Variants in PMFBP1 observed in about 807,000 individuals in gnomAD.
The protein encoded by PMFBP1 is polyamine-modulated factor 1-binding protein 1.
Under a neutral mutation model 137.8 loss-of-function variants are expected in PMFBP1, and 131 were observed. The observed-to-expected ratio is 0.95, with a 90% CI of 0.82 to 1.10. PMFBP1 has a LOEUF of 1.10. Ranked by LOEUF, PMFBP1 falls within the 50% of genes least tolerant of loss-of-function variation. The pLI, the probability that PMFBP1 is intolerant of heterozygous loss-of-function variation, is 0.00. For missense variants in PMFBP1, 1,199 were observed against 1,175.4 expected, an observed-to-expected ratio of 1.02 and a Z score of -0.29; for synonymous variants, 490 against 450.4, an observed-to-expected ratio of 1.09 and a Z score of -1.11.
chr16:72,217,055 T>G, the PMFBP1 span, among the ~76,000 whole-genome samples: 3 of 152,160 alleles, frequency 2.0e-5, no homozygotes, highest in African/African-American at 7.2e-5. Flanking sequence ...CAGAGATGAG[T>G]GTGTCCTATA....
At chr16:72,211,655 A>G in the PMFBP1 span, among the ~76,000 whole-genome samples, 1 of 152,234 alleles carries the variant, frequency 6.6e-6, no homozygotes, top group East Asian at 1.9e-4. Context: ...GATGTTATGC[A>G]AAGAGAACAA....
At chr16:72,161,040 T>G (rs1362924364) in intron 3 of PMFBP1, among the ~76,000 whole-genome samples, 2 of 152,108 alleles carry the variant, frequency 1.3e-5, no homozygotes, top group African/African-American at 2.4e-5. Context: ...GTAAGTGAGA[T>G]ATTTCCTTTG....
the PMFBP1 span, among the ~76,000 whole-genome samples, chr16:72,195,976 A>C: frequency 7.2e-6 from 1 of 137,934 alleles, no homozygotes; most frequent in Admixed American, 7.6e-5. Context: ...CTCAGAGCTT[A>C]CAGAATGTGT....
chr16:72,144,185 A>C (rs2042767467), intron 5 of PMFBP1, among the ~76,000 whole-genome samples: 1 of 152,254 alleles, frequency 6.6e-6, no homozygotes, highest in South Asian at 2.1e-4. Flanking sequence ...AGGACACACA[A>C]GAAAACTTGC....
chr16:72,179,464 G>T (rs762111301), upstream of PMFBP1, among the ~76,000 whole-genome samples: 49 of 152,134 alleles, frequency 3.2e-4, no homozygotes, highest in Admixed American at 1.0e-3. Flanking sequence ...TTGACTCCCA[G>T]GAGAGAAGAA....
chr16:72,233,308 G>A, the PMFBP1 span, among the ~76,000 whole-genome samples: 1 of 152,090 alleles, frequency 6.6e-6, no homozygotes, highest in South Asian at 2.1e-4. Flanking sequence ...TTCTGAGTGA[G>A]TACTGAGGGA....
At chr16:72,195,964 C>T in the PMFBP1 span, among the ~76,000 whole-genome samples, 1 of 151,824 alleles carries the variant, frequency 6.6e-6, no homozygotes, top group African/African-American at 2.4e-5. Context: ...CTCTCTCTCT[C>T]TCTCAGAGCT....
chr16:72,249,776 C>T, the PMFBP1 span, among the ~76,000 whole-genome samples: 1 of 151,240 alleles, frequency 6.6e-6, no homozygotes, highest in Non-Finnish European at 1.5e-5. Flanking sequence ...AAAAAAATAC[C>T]TGGGCGTGGT....
the PMFBP1 span, among the ~76,000 whole-genome samples, chr16:72,225,904 C>T: frequency 1.1e-4 from 17 of 148,368 alleles, no homozygotes; most frequent in African/African-American, 4.0e-4. Flanking sequence ...TGTGCATGTA[C>T]ATCCACACAC....
At chr16:72,177,541 C>A (rs1348249657), upstream of PMFBP1, among the ~76,000 whole-genome samples, 1 of 152,158 alleles carries the variant, frequency 6.6e-6, no homozygotes, top group Non-Finnish European at 1.5e-5. Context: ...TTTTAGATTT[C>A]CAGAAAAGTT....
chr16:72,163,005 C>A (rs1278909862), intron 3 of PMFBP1, among the ~76,000 whole-genome samples: 4 of 152,176 alleles, frequency 2.6e-5, no homozygotes, highest in Admixed American at 1.3e-4. Flanking sequence ...ATTTCTAGGA[C>A]ATTGCAGAGG....
At chr16:72,206,724 G>T in the PMFBP1 span, among the ~76,000 whole-genome samples, 1 of 152,100 alleles carries the variant, frequency 6.6e-6, no homozygotes, top group African/African-American at 2.4e-5. Flanking sequence ...GCTTCCCGGC[G>T]CACTGCTTTT....
the PMFBP1 span, among the ~76,000 whole-genome samples, chr16:72,224,209 C>A: frequency 2.6e-5 from 4 of 152,088 alleles, no homozygotes; most frequent in African/African-American, 9.7e-5. Flanking sequence ...TCTGTGAATT[C>A]TTCATCCTCC....
chr16:72,205,409 T>A, the PMFBP1 span, among the ~76,000 whole-genome samples: 1 of 152,150 alleles, frequency 6.6e-6, no homozygotes, highest in Non-Finnish European at 1.5e-5. Flanking sequence ...ATGAGGACAT[T>A]TGTCCCGCTC....
At chr16:72,133,680 G>C (rs910822033) in intron 9 of PMFBP1, among the ~76,000 whole-genome samples, 1 of 152,116 alleles carries the variant, frequency 6.6e-6, no homozygotes, top group Admixed American at 6.5e-5. Flanking sequence ...CATACACCAG[G>C]GTTGTCGGGC....
At chr16:72,224,967 T>C in the PMFBP1 span, 1 of 152,234 alleles carries the variant, frequency 6.6e-6, no homozygotes, top group South Asian at 2.1e-4. Context: ...AAAATTTATG[T>C]GTTTTGACAC....
Position 72,154,343 on chromosome 16 carries a change from T to C in PMFBP1, c.282A>G (p.Gln94=), listed in dbSNP as rs1171615338. ...QQLKKKLLVL[Q]QELEFHTEEL... is the part of the protein sequence containing the mutation. ...CCTCTGTGTGAAACTCCAGTTCTTG[T>C]TGAAGGACCAGCAATTTTTTCTTCA... is the stretch of plus-strand genomic sequence containing the variant. Residue 94 remains glutamine, a synonymous_variant, in exon 4 of 21, where the codon CAA becomes CAG. Coordinates refer to ENST00000237353, the MANE Select transcript of PMFBP1 (RefSeq NM_031293.3). The C allele has an allele frequency of 8.7e-6, 14 of 1,614,186 alleles. No individual in the cohort carries two copies. Among genetic ancestry groups the C allele is most frequent in the South Asian group, 2.2e-5 (2 of 91,084 alleles).
At chr16:72,233,606 A>G in the PMFBP1 span, among the ~76,000 whole-genome samples, 9 of 152,294 alleles carry the variant, frequency 5.9e-5, no homozygotes, top group Non-Finnish European at 1.3e-4. Flanking sequence ...AACCCTTTAA[A>G]GTATACAATT....
the PMFBP1 span, among the ~76,000 whole-genome samples, chr16:72,241,374 A>T: frequency 1.3e-5 from 2 of 152,340 alleles, no homozygotes; most frequent in African/African-American, 4.8e-5. Flanking sequence ...CAAAAGTAGC[A>T]GGCTATTCTC....
Sources: allele counts gnomAD v4.1 joint callset (sites outside exome capture counted in the v4.1 genomes callset), GRCh38; gene constraint gnomAD v4.1.1; transcripts MANE v1.5; gene names NCBI Gene and HGNC (gene_info 2026-07-23, HGNC 2026-07-21).